POC1B: variants seen among roughly 807,000 people sequenced by gnomAD.
POC1B encodes the protein POC1 centriolar protein B.
In POC1B, 44 loss-of-function variants were observed where a neutral mutation model predicts 60.6. The observed-to-expected ratio is 0.73, with a 90% CI of 0.57 to 0.93. POC1B has a LOEUF of 0.93. POC1B is among the 40% of genes least tolerant of loss of function. The pLI, the probability that POC1B is intolerant of heterozygous loss-of-function variation, is 0.00. For synonymous variants in POC1B, 180 were observed against 198.9 expected, an observed-to-expected ratio of 0.90 and a Z score of 0.80; for missense variants, 555 against 572.3, an observed-to-expected ratio of 0.97 and a Z score of 0.31.
In POC1B at chr12:89,466,767, C is replaced by G; in HGVS notation, c.1032+3G>C. 2 of 1,603,522 alleles carry G rather than the reference C, an allele frequency of 1.2e-6. No homozygotes were observed. The highest frequency in any genetic ancestry group is 1.7e-6 in the Non-Finnish European group (2 of 1,174,648). On this transcript the variant is annotated splice_donor_region_variant and intron_variant, in intron 9 of 11. Transcript: ENST00000313546. ...GTAGGACAAATATGAACAAAATACT[C>G]ACTTCTACAGTCTCAACTTTTTCCT...
the POC1B span, among the ~76,000 whole-genome samples, chr12:89,413,658 G>C: frequency 6.6e-6 from 1 of 152,060 alleles, no homozygotes; most frequent in Non-Finnish European, 1.5e-5. Flanking sequence ...TTGGCATATA[G>C]AGTTTTGACT....
chr12:89,411,824 GAC>G, the POC1B span, among the ~76,000 whole-genome samples: 1 of 152,156 alleles, frequency 6.6e-6, no homozygotes, highest in African/African-American at 2.4e-5. Context: ...TTTTGCCTTT[GAC>G]ACAGTTGTTA....
intron 2 of POC1B, chr12:89,521,299 T>C (rs1378169279): frequency 1.3e-5 from 2 of 152,178 alleles, no homozygotes; most frequent in African/African-American, 4.8e-5. Flanking sequence ...GAGACGAGGT[T>C]TCACCATGTT....
chr12:89,448,191 G>A (rs757634577), intron 10 of POC1B, among the ~76,000 whole-genome samples: 6 of 152,078 alleles, frequency 3.9e-5, no homozygotes, highest in Non-Finnish European at 5.9e-5. Flanking sequence ...TGTAATCTCA[G>A]TCCTTTGGGA....
At chr12:89,402,718 T>C in the POC1B span, among the ~76,000 whole-genome samples, 1 of 152,196 alleles carries the variant, frequency 6.6e-6, no homozygotes, top group Non-Finnish European at 1.5e-5. Flanking sequence ...TTTTTTATGG[T>C]TGCATAGTAT....
intron 2 of POC1B, among the ~76,000 whole-genome samples, chr12:89,505,960 A>G (rs1032907698): frequency 6.6e-6 from 1 of 152,234 alleles, no homozygotes; most frequent in Non-Finnish European, 1.5e-5. Flanking sequence ...AGAGAAAAAG[A>G]GAAGATGCTA....
At chr12:89,480,748 C>T (rs1883300454) in intron 4 of POC1B, among the ~76,000 whole-genome samples, 1 of 151,892 alleles carries the variant, frequency 6.6e-6, no homozygotes, top group Non-Finnish European at 1.5e-5. Context: ...CTACAGGCGC[C>T]CGCCACCTCA....
chr12:89,523,916 G>C (rs1419386128), intron 2 of POC1B: 1 of 1,602,146 alleles, frequency 6.2e-7, no homozygotes, highest in Non-Finnish European at 8.5e-7. Context: ...GCCCCAATCA[G>C]ACGGGCCCTA....
intron 10 of POC1B, among the ~76,000 whole-genome samples, chr12:89,438,228 C>T (rs1473079092): frequency 2.0e-5 from 3 of 152,004 alleles, no homozygotes; most frequent in African/African-American, 2.4e-5. Flanking sequence ...GAGGCCGAGG[C>T]GGGCGGATCA....
chr12:89,431,030 C>G (rs2120676846), intron 10 of POC1B, among the ~76,000 whole-genome samples: 1 of 152,046 alleles, frequency 6.6e-6, no homozygotes, highest in South Asian at 2.1e-4. Flanking sequence ...CTTCAAATCA[C>G]TGGTAGATTT....
In POC1B at chr12:89,492,006, C is replaced by A; in HGVS notation, c.382G>T (p.Val128Leu). The A allele has an allele frequency of 1.2e-6, 2 of 1,609,028 alleles. No homozygotes were observed. Among genetic ancestry groups the A allele is most frequent in the Non-Finnish European group, 1.7e-6 (2 of 1,178,252 alleles). ...ATASEDKSIK[V>L]WSMYRQRFLY... is the part of the protein sequence containing the mutation. ...AAGCGCTGGCGATACATGCTCCATA[C>A]TTTTATGGATTTGTCTTCAGAAGCT... Residue 128 changes from valine (V) to leucine (L), a missense_variant, in exon 4 of 12, where the codon GTA (valine) becomes TTA (leucine). Transcript: ENST00000313546.
At chr12:89,517,632 CAAA>C (rs113256657) in intron 2 of POC1B, among the ~76,000 whole-genome samples, 1 of 139,248 alleles carries the variant, frequency 7.2e-6, no homozygotes. Flanking sequence ...GACTTGGTCT[CAAA>C]AAAAAAAAAG....
At chr12:89,480,549 T>C (rs1383338677) in intron 4 of POC1B, among the ~76,000 whole-genome samples, 1 of 150,294 alleles carries the variant, frequency 6.7e-6, no homozygotes. Context: ...GCCTCCCGAG[T>C]AGCTGGGAAT....
chr12:89,430,760 G>A (rs1363023466), intron 10 of POC1B, among the ~76,000 whole-genome samples: 2 of 152,122 alleles, frequency 1.3e-5, no homozygotes, highest in Non-Finnish European at 2.9e-5. Context: ...CTCATGTGGG[G>A]TCAGTAACTT....
chr12:89,508,745 C>G (rs1044134514), intron 2 of POC1B, among the ~76,000 whole-genome samples: 1 of 152,136 alleles, frequency 6.6e-6, no homozygotes, highest in Admixed American at 6.5e-5. Flanking sequence ...GGGGGCTGTT[C>G]TCATGATAGT....
the POC1B span, among the ~76,000 whole-genome samples, chr12:89,412,815 C>T: frequency 8.5e-6 from 1 of 118,326 alleles, no homozygotes; most frequent in Non-Finnish European, 1.6e-5. Context: ...ATGTTCCTTC[C>T]TTCCTTCCTT....
chr12:89,467,536 A>G (rs1882727894), intron 8 of POC1B, 81 bp downstream of exon 8: 10 of 1,143,162 alleles, frequency 8.7e-6, no homozygotes, highest in Non-Finnish European at 1.0e-5. Context: ...TACACAAACT[A>G]GCTGGTTGTA....
At chr12:89,470,701 G>A (rs575185037) in intron 6 of POC1B, among the ~76,000 whole-genome samples, 1 of 152,294 alleles carries the variant, frequency 6.6e-6, no homozygotes, top group Admixed American at 6.5e-5. Flanking sequence ...AAATGAGACT[G>A]TGTCACGGAA....
intron 9 of POC1B, among the ~76,000 whole-genome samples, chr12:89,464,548 C>T (rs1382170075): frequency 8.2e-6 from 1 of 121,896 alleles, no homozygotes; most frequent in African/African-American, 3.2e-5. Flanking sequence ...AGTGCACTGA[C>T]ATGATCTCGG....
Sources: allele counts gnomAD v4.1 joint callset (sites outside exome capture counted in the v4.1 genomes callset), GRCh38; gene constraint gnomAD v4.1.1; transcripts MANE v1.5; gene names NCBI Gene and HGNC (gene_info 2026-07-23, HGNC 2026-07-21).